CACNA1E: variants seen among roughly 807,000 people sequenced by gnomAD.
CACNA1E encodes voltage-dependent R-type calcium channel subunit alpha-1E.
CACNA1E carries 40 observed loss-of-function variants against 259.2 expected under a neutral mutation model. The ratio of observed to expected loss-of-function variants is 0.15; its 90% CI spans 0.12 to 0.20. The LOEUF (loss-of-function observed/expected upper bound fraction) is 0.20, where lower values mean the gene tolerates loss of function less well. CACNA1E is among the 10% of genes least tolerant of loss of function. The pLI is 1.00. For synonymous variants in CACNA1E, 1,104 were observed against 1,138.5 expected (o/e 0.97, Z 0.61); for missense variants, 1,874 against 3,040.1 (o/e 0.62, Z 9.02).
At chr1:181,614,426 G>A (rs1381885057) in intron 6 of CACNA1E, among the ~76,000 whole-genome samples, 1 of 152,140 alleles carries the variant, frequency 6.6e-6, no homozygotes, top group Non-Finnish European at 1.5e-5. Context: ...TTACAGTATT[G>A]CTCTAAACAC....
At chr1:181,761,649 T>G (rs1658593433) in intron 32 of CACNA1E, among the ~76,000 whole-genome samples, 1 of 152,250 alleles carries the variant, frequency 6.6e-6, no homozygotes, top group South Asian at 2.1e-4. Flanking sequence ...ATTCTGTTGA[T>G]TTAAATCTCT....
At chr1:181,656,326 A>G (rs1005397179) in intron 7 of CACNA1E, among the ~76,000 whole-genome samples, 3 of 152,116 alleles carry the variant, frequency 2.0e-5, no homozygotes, top group African/African-American at 7.2e-5. Flanking sequence ...GAAGACAGTG[A>G]TATTGATGGT....
chr1:181,442,245 G>A (rs928219380), intron 2 of CACNA1E, among the ~76,000 whole-genome samples: 4 of 151,310 alleles, frequency 2.6e-5, no homozygotes, highest in African/African-American at 9.7e-5. Flanking sequence ...GAGGGACACA[G>A]GTGTGAAGGG....
chr1:181,755,151 A>T, intron 27 of CACNA1E, 86 bp from the exon 28 acceptor site: 1 of 997,822 alleles, frequency 1.0e-6, no homozygotes, highest in Non-Finnish European at 1.5e-6. Flanking sequence ...GGGGCTGGGT[A>T]GTGGTGGTAT....
chr1:181,579,030 T>C (rs775067115), intron 4 of CACNA1E, 42 bp from the exon 5 acceptor site: 9 of 1,551,732 alleles, frequency 5.8e-6, no homozygotes, highest in South Asian at 2.5e-5. Context: ...CAGATGGTGC[T>C]GAGGGACAGC....
At chr1:181,430,543 C>A (rs1222147158) in intron 2 of CACNA1E, among the ~76,000 whole-genome samples, 2 of 152,000 alleles carry the variant, frequency 1.3e-5, no homozygotes, top group Non-Finnish European at 2.9e-5. Context: ...CCATGGAGCC[C>A]ACTGTGTACA....
chr1:181,749,213 A>AC (rs1657373020), intron 25 of CACNA1E, among the ~76,000 whole-genome samples: 1 of 152,250 alleles, frequency 6.6e-6, no homozygotes, highest in African/African-American at 2.4e-5. Flanking sequence ...GAAAGAAAAA[A>AC]AGTAACCTTC....
intron 1 of CACNA1E, among the ~76,000 whole-genome samples, chr1:181,493,074 A>G (rs996863778): frequency 2.0e-5 from 3 of 152,118 alleles, no homozygotes; most frequent in Non-Finnish European, 2.9e-5. Context: ...TGCTTTCTAT[A>G]CTGGGATCAC....
intron 3 of CACNA1E, among the ~76,000 whole-genome samples, chr1:181,535,756 C>T (rs998017161): frequency 4.6e-5 from 7 of 151,068 alleles, no homozygotes; most frequent in Admixed American, 1.3e-4. Flanking sequence ...AGTGCAATCT[C>T]AGTTCACTGC....
intron 3 of CACNA1E, among the ~76,000 whole-genome samples, chr1:181,575,317 C>T (rs536474633): frequency 9.2e-5 from 14 of 152,316 alleles, no homozygotes; most frequent in East Asian, 3.9e-4. Flanking sequence ...TGGTGACATG[C>T]GCATACCTCA....
intron 7 of CACNA1E, among the ~76,000 whole-genome samples, chr1:181,683,663 C>A (rs1650219229): frequency 6.6e-6 from 1 of 152,170 alleles, no homozygotes; most frequent in South Asian, 2.1e-4. Flanking sequence ...ATGTTTAGTT[C>A]CCTCTTATAA....
Position 181,771,336 on chromosome 1 carries a change from G to A in CACNA1E, c.4925G>A (p.Arg1642Gln), listed in dbSNP as rs1381608974. Residue 1642 changes from arginine to glutamine, a missense_variant, in exon 36 of 48, where the codon CGG becomes CAG. Around this residue, in one of 14 missense-constraint regions of CACNA1E, gnomAD observed 147 missense variants for 337.1 expected, o/e 0.44. Coordinates refer to ENST00000367573, the MANE Select transcript of CACNA1E (RefSeq NM_001205293.3). ...TTAGACGAGGAGAGTCACATCAACCGGCACAACAACTTCCGGAGTTTCTTT... is the reference window on the plus strand; with the variant it reads ...TTAGACGAGGAGAGTCACATCAACCAGCACAACAACTTCCGGAGTTTCTTT... Reference protein sequence around the residue: ...IKLDEESHINRHNNFRSFFGS... With the variant: ...IKLDEESHINQHNNFRSFFGS... The A allele has an allele frequency of 6.2e-6, 10 of 1,602,136 alleles. No individual in the cohort carries two copies. The highest frequency in any genetic ancestry group is 8.5e-6 in the Non-Finnish European group (10 of 1,172,788).
At position 181,393,465 on chromosome 1, in the gene CACNA1E, C is replaced by CT. The variant is rs1217976176; in HGVS notation, c.-14-19660dup. 2.0e-5 allele frequency among the ~76,000 whole-genome samples: 3 copies of CT among 151,870 alleles called. No homozygotes were observed. The South Asian group carries it at 6.2e-4, about 32-fold the overall frequency. ...GGAGGGGTAGGTGATCTTTTCTTTT[C>CT]TTTTTTTTCTGAAACAGGGTCTCCC... On this transcript the variant is annotated intron_variant, in intron 1 of 11. Coordinates refer to the CACNA1E transcript ENST00000524607.
At chr1:181,403,276 T>C (rs530908346) in intron 1 of CACNA1E, among the ~76,000 whole-genome samples, 1 of 151,814 alleles carries the variant, frequency 6.6e-6, no homozygotes, top group South Asian at 2.1e-4. Flanking sequence ...CCCCTTATAG[T>C]ATCTAGTATA....
intron 1 of CACNA1E, among the ~76,000 whole-genome samples, chr1:181,331,729 C>T (rs556894062): frequency 2.0e-5 from 3 of 152,224 alleles, no homozygotes; most frequent in East Asian, 1.9e-4. Flanking sequence ...TGTGAGGGCT[C>T]GGGTGATGCT....
chr1:181,794,236 C>T (rs544120782), intron 45 of CACNA1E, among the ~76,000 whole-genome samples: 150 of 152,268 alleles, frequency 9.9e-4, no homozygotes, highest in South Asian at 2.5e-3. Flanking sequence ...TCCTGTCTGT[C>T]GGTCTTACAT....
At chr1:181,529,766 G>A (rs1667635875) in intron 3 of CACNA1E, among the ~76,000 whole-genome samples, 1 of 152,168 alleles carries the variant, frequency 6.6e-6, no homozygotes, top group African/African-American at 2.4e-5. Flanking sequence ...TTCCCATTTG[G>A]AATGGCTGTA....
chr1:181,386,230 A>T (rs73042274), intron 1 of CACNA1E, among the ~76,000 whole-genome samples: 9,445 of 152,172 alleles, frequency 0.062, 897 homozygotes, highest in African/African-American at 0.2. Context: ...TTCTTATCCA[A>T]GGGGTCAGGA....
intron 7 of CACNA1E, among the ~76,000 whole-genome samples, chr1:181,675,853 G>A (rs1366503090): frequency 4.6e-5 from 7 of 152,138 alleles, no homozygotes; most frequent in Non-Finnish European, 2.9e-5. Flanking sequence ...GCAGCTAAGG[G>A]ATTTTGACAA....
Sources: gnomAD v4.1 joint callset for allele counts (sites outside exome capture counted in the v4.1 genomes callset) on GRCh38, gnomAD v4.1.1 for gene constraint, gnomAD v4.1.1 regional missense constraint, MANE v1.5 for transcripts, NCBI Gene and HGNC (gene_info 2026-07-23, HGNC 2026-07-21) for gene names.